HIVEP3: variants seen among roughly 807,000 people sequenced by gnomAD.
HIVEP3 encodes the protein HIVEP zinc finger 3.
Under a neutral mutation model 152.8 loss-of-function variants are expected in HIVEP3, and 49 were observed. The observed-to-expected ratio is 0.32, with a 90% CI of 0.26 to 0.41. The LOEUF (loss-of-function observed/expected upper bound fraction) is 0.41, where lower values mean the gene tolerates loss of function less well. Ranked by LOEUF, HIVEP3 falls within the 10% of genes least tolerant of loss-of-function variation. The pLI is 1.00. For synonymous variants in HIVEP3, 1,269 were observed against 1,289.0 expected (o/e 0.98, Z 0.33); for missense variants, 2,790 against 3,103.3 (o/e 0.90, Z 2.40).
intron 2 of HIVEP3, among the ~76,000 whole-genome samples, chr1:41,661,561 G>A (rs1029310896): frequency 3.3e-5 from 5 of 152,210 alleles, no homozygotes; most frequent in African/African-American, 1.2e-4. Context: ...CATTATGCCG[G>A]GAGGAGGGGC....
At chr1:41,765,330 T>C (rs1332348011) in intron 1 of HIVEP3, among the ~76,000 whole-genome samples, 2 of 152,212 alleles carry the variant, frequency 1.3e-5, no homozygotes, top group Non-Finnish European at 2.9e-5. Context: ...ATTCATGCTG[T>C]AAGGTCTCCC....
At chr1:41,864,262 G>T (rs1484640570) in intron 1 of HIVEP3, among the ~76,000 whole-genome samples, 1 of 152,136 alleles carries the variant, frequency 6.6e-6, no homozygotes, top group Non-Finnish European at 1.5e-5. Context: ...TTCACATTTG[G>T]GTGTGCGTAG....
intron 1 of HIVEP3, among the ~76,000 whole-genome samples, chr1:41,969,672 C>T (rs1339025288): frequency 6.6e-6 from 1 of 152,094 alleles, no homozygotes; most frequent in Non-Finnish European, 1.5e-5. Flanking sequence ...ATGAAAACAT[C>T]AAAAGCAATT....
chr1:41,748,905 G>A (rs1212869234), intron 1 of HIVEP3, among the ~76,000 whole-genome samples: 1 of 152,198 alleles, frequency 6.6e-6, no homozygotes, highest in Non-Finnish European at 1.5e-5. Flanking sequence ...GACTCTCAGG[G>A]GAGCAGTGCA....
chr1:41,597,150 C>T (rs1205367676), intron 3 of HIVEP3, among the ~76,000 whole-genome samples: 5 of 152,008 alleles, frequency 3.3e-5, no homozygotes, highest in East Asian at 1.9e-4. Flanking sequence ...CAAATTCTAT[C>T]GAAAGCAAAC....
chr1:41,685,504 C>A (rs1005577085), intron 2 of HIVEP3, among the ~76,000 whole-genome samples: 1 of 152,168 alleles, frequency 6.6e-6, no homozygotes, highest in African/African-American at 2.4e-5. Flanking sequence ...ATGGCATTCA[C>A]CCCCCTCTCC....
chr1:41,825,247 A>C (rs1435049934), intron 1 of HIVEP3, among the ~76,000 whole-genome samples: 2 of 152,270 alleles, frequency 1.3e-5, no homozygotes, highest in South Asian at 4.1e-4. Context: ...GATGTTACAA[A>C]GTACATTCAC....
intron 4 of HIVEP3, among the ~76,000 whole-genome samples, chr1:41,578,745 T>G (rs937821997): frequency 1.3e-5 from 2 of 152,194 alleles, no homozygotes; most frequent in Non-Finnish European, 2.9e-5. Context: ...TTGTTCAACA[T>G]TTGCCAGATT....
intron 5 of HIVEP3, among the ~76,000 whole-genome samples, chr1:41,569,065 T>C (rs996791916): frequency 1.3e-5 from 2 of 152,192 alleles, no homozygotes; most frequent in East Asian, 3.8e-4. Flanking sequence ...TGCTTCCCCT[T>C]CACCTCCTGC....
chr1:41,929,319 AC>A (rs2124479355), intron 1 of HIVEP3, among the ~76,000 whole-genome samples: 1 of 152,258 alleles, frequency 6.6e-6, no homozygotes, highest in Admixed American at 6.5e-5. Flanking sequence ...ATATATCCTT[AC>A]TTATTTTTTT....
At chr1:41,921,465 C>A (rs777870901), upstream of HIVEP3, among the ~76,000 whole-genome samples, 8 of 152,144 alleles carry the variant, frequency 5.3e-5, no homozygotes, top group African/African-American at 9.7e-5. Context: ...CGCTCTCTTG[C>A]CTGCCACCAT....
chr1:41,978,802 C>A (rs1645277047), intron 1 of HIVEP3, among the ~76,000 whole-genome samples: 1 of 152,126 alleles, frequency 6.6e-6, no homozygotes, highest in African/African-American at 2.4e-5. Flanking sequence ...ATATTAGAAT[C>A]TTCTGCTGGG....
At position 41,949,086 on chromosome 1, in the gene HIVEP3, A is replaced by ATTAGGAGTTG. The variant is rs1391666032; in HGVS notation, n.120-30563_120-30562insCAACTCCTAA. Reference sequence around the variant, plus strand: ...GCATCAGGTGGGTAACTCCTCCCACACAAATAGTCTGTCTACCCACAGGAA... The same window carrying ATTAGGAGTTG: ...GCATCAGGTGGGTAACTCCTCCCACATTAGGAGTTGCAAATAGTCTGTCTACCCACAGGAA... On this transcript the variant is annotated intron_variant and non_coding_transcript_variant, in intron 1 of 3. Transcript: ENST00000489103. Among the ~76,000 whole-genome samples the ATTAGGAGTTG allele has an allele frequency of 7.2e-5, 11 of 152,348 alleles. No homozygotes were observed. In the South Asian group the frequency reaches 2.1e-3, roughly 29 times the overall value.
chr1:41,718,962 C>T (rs1421726229), intron 1 of HIVEP3, among the ~76,000 whole-genome samples: 1 of 152,214 alleles, frequency 6.6e-6, no homozygotes, highest in Non-Finnish European at 1.5e-5. Context: ...TGGACTGAAA[C>T]TAGGCTTGAT....
At chr1:41,902,084 G>C (rs1644634329) in intron 1 of HIVEP3, among the ~76,000 whole-genome samples, 1 of 152,114 alleles carries the variant, frequency 6.6e-6, no homozygotes, top group African/African-American at 2.4e-5. Context: ...CCACAAGAAT[G>C]AGCCAGTGGT....
chr1:41,740,125 A>T (rs1258469422), intron 1 of HIVEP3, among the ~76,000 whole-genome samples: 1 of 152,166 alleles, frequency 6.6e-6, no homozygotes, highest in Non-Finnish European at 1.5e-5. Flanking sequence ...CCCATACTCA[A>T]CCTACCCATC....
At chr1:41,680,806 C>T (rs776979048) in intron 2 of HIVEP3, among the ~76,000 whole-genome samples, 5 of 152,168 alleles carry the variant, frequency 3.3e-5, no homozygotes, top group African/African-American at 4.8e-5. Flanking sequence ...GAGGGTAGAC[C>T]TCAAGTGTTC....
chr1:41,731,477 G>C (rs983164013), intron 1 of HIVEP3, among the ~76,000 whole-genome samples: 1 of 152,218 alleles, frequency 6.6e-6, no homozygotes, highest in Non-Finnish European at 1.5e-5. Flanking sequence ...TCATCTCTGA[G>C]TATTCACACT....
chr1:41,755,696 C>T (rs750762894), intron 1 of HIVEP3, among the ~76,000 whole-genome samples: 4 of 150,918 alleles, frequency 2.7e-5, no homozygotes, highest in African/African-American at 4.9e-5. Flanking sequence ...AGAGGATATA[C>T]AGATGGCAAA....
Sources: gnomAD v4.1 joint callset for allele counts (sites outside exome capture counted in the v4.1 genomes callset) on GRCh38, gnomAD v4.1.1 for gene constraint, MANE v1.5 for transcripts, NCBI Gene and HGNC (gene_info 2026-07-23, HGNC 2026-07-21) for gene names.